Variants in UBE2K observed in about 807,000 individuals in gnomAD.
UBE2K encodes the protein ubiquitin-conjugating enzyme E2 K.
A neutral mutation model predicts 30.0 loss-of-function variants in UBE2K; 6 were observed. That is an observed-to-expected ratio of 0.20 (90% CI 0.11 to 0.39). UBE2K has a LOEUF of 0.39. UBE2K is among the 10% of genes least tolerant of loss of function. UBE2K has a pLI of 1.00. For synonymous variants in UBE2K, 86 were observed against 83.7 expected, an observed-to-expected ratio of 1.03 and a Z score of -0.15; for missense variants, 61 against 241.6, an observed-to-expected ratio of 0.25 and a Z score of 4.96.
chr4:39,728,627 C>CT (rs1391458120), intron 1 of UBE2K, among the ~76,000 whole-genome samples: 1 of 150,086 alleles, frequency 6.7e-6, no homozygotes, highest in Non-Finnish European at 1.5e-5. Flanking sequence ...CCTGCCTTTC[C>CT]TTTTTTCCTT....
intron 4 of UBE2K, among the ~76,000 whole-genome samples, chr4:39,767,509 G>C (rs1712424966): frequency 6.6e-6 from 1 of 151,926 alleles, no homozygotes; most frequent in South Asian, 2.1e-4. Flanking sequence ...TATTTTAGTA[G>C]AGACGGAGTT....
intron 4 of UBE2K, 60 bp downstream of exon 4, chr4:39,755,799 G>T: frequency 8.1e-7 from 1 of 1,238,466 alleles, no homozygotes; most frequent in Non-Finnish European, 1.1e-6. Flanking sequence ...CTGTAAGAGT[G>T]TTAAATGTGT....
chr4:39,751,271 T>C (rs1360722070), intron 3 of UBE2K, among the ~76,000 whole-genome samples: 2 of 152,166 alleles, frequency 1.3e-5, no homozygotes, highest in Non-Finnish European at 2.9e-5. Context: ...TTTCTAACTA[T>C]AGATTATAGT....
rs183850734 is a variant in UBE2K, at chr4:39,774,046, C to G, written c.300-788C>G. 2.8e-3 allele frequency among the ~76,000 whole-genome samples: 433 copies of G among 152,254 alleles called. 10 individuals are homozygous for G. The highest frequency in any genetic ancestry group is 0.02 in the Admixed American group (311 of 15,286). On this transcript the variant is annotated intron_variant, in intron 4 of 6. Coordinates refer to ENST00000261427, the MANE Select transcript of UBE2K (RefSeq NM_005339.5). ...AGTGTAGTAGCTCACACCTGTAACC[C>G]TAACCTTTGGGAGGCCAAGGTGGAT...
chr4:39,737,169 GAA>G (rs1720424210), intron 1 of UBE2K, among the ~76,000 whole-genome samples: 1 of 152,100 alleles, frequency 6.6e-6, no homozygotes, highest in South Asian at 2.1e-4. Context: ...AACATTCCTA[GAA>G]AGTCAAGAAG....
chr4:39,714,743 G>A (rs1174100371), intron 1 of UBE2K, among the ~76,000 whole-genome samples: 1 of 150,202 alleles, frequency 6.7e-6, no homozygotes, highest in Non-Finnish European at 1.5e-5. Flanking sequence ...GTAGAGACGG[G>A]TTTTACCATG....
chr4:39,716,538 T>C (rs1352741875), intron 1 of UBE2K, among the ~76,000 whole-genome samples: 2 of 152,182 alleles, frequency 1.3e-5, no homozygotes, highest in African/African-American at 4.8e-5. Flanking sequence ...CATGAGCCGC[T>C]GCGCCCAGCC....
At chr4:39,777,400 C>T (rs142359272) in intron 5 of UBE2K, among the ~76,000 whole-genome samples, 13 of 152,326 alleles carry the variant, frequency 8.5e-5, no homozygotes, top group Admixed American at 8.5e-4. Context: ...TAATACCTCA[C>T]TTAACCTAAT....
chr4:39,755,539 T>C, intron 3 of UBE2K, 118 bp from the exon 4 acceptor site: 2 of 704,466 alleles, frequency 2.8e-6, no homozygotes, highest in South Asian at 1.8e-5. Context: ...CTAGGCAAAA[T>C]GATGTAATAG....
chr4:39,704,893 A>G (rs1049515926), intron 1 of UBE2K, among the ~76,000 whole-genome samples: 2 of 119,496 alleles, frequency 1.7e-5, no homozygotes, highest in Non-Finnish European at 3.2e-5. Flanking sequence ...TTTTTTTTAG[A>G]CGGAGTCTCC....
chr4:39,766,476 GTTTT>G (rs958448358), intron 4 of UBE2K, among the ~76,000 whole-genome samples: 1 of 143,398 alleles, frequency 7.0e-6, no homozygotes, highest in African/African-American at 2.5e-5. Flanking sequence ...TTTTAACCAG[GTTTT>G]TTTTTTTTGT....
At chr4:39,777,240 G>T (rs907929886) in intron 5 of UBE2K, among the ~76,000 whole-genome samples, 1 of 152,194 alleles carries the variant, frequency 6.6e-6, no homozygotes, top group South Asian at 2.1e-4. Context: ...GAAAACAGAA[G>T]AATCTAGTTG....
At chr4:39,729,568 G>C (rs1719958086) in intron 1 of UBE2K, among the ~76,000 whole-genome samples, 1 of 151,894 alleles carries the variant, frequency 6.6e-6, no homozygotes, top group Non-Finnish European at 1.5e-5. Context: ...CATTGCACTG[G>C]ACTTTATTGG....
intron 4 of UBE2K, among the ~76,000 whole-genome samples, chr4:39,772,799 T>C (rs1359903391): frequency 6.6e-6 from 1 of 151,778 alleles, no homozygotes; most frequent in Admixed American, 6.6e-5. Context: ...GCGATTCTCC[T>C]TCCTCAGCCA....
Position 39,698,235 on chromosome 4 carries a change from G to C in UBE2K, c.-93G>C. 2 of 1,271,642 alleles carry C rather than the reference G, an allele frequency of 1.6e-6. No individual in the cohort carries two copies. The highest frequency in any genetic ancestry group is 2.3e-6 in the Non-Finnish European group (2 of 888,446). The allele number at this position is 1,271,642 out of a possible 1,614,324, so 78.8% of individuals were successfully genotyped here. On this transcript the variant is annotated 5_prime_UTR_variant, in exon 1 of 7. Coordinates refer to ENST00000261427, the MANE Select transcript of UBE2K (RefSeq NM_005339.5). Reference sequence around the variant, plus strand: ...TTCGTGTGCTCAGGTCTGAATCGCCGAGGGAGGAGGCGGTGGAGGAAGAGG... The same window carrying C: ...TTCGTGTGCTCAGGTCTGAATCGCCCAGGGAGGAGGCGGTGGAGGAAGAGG...
At chr4:39,703,959 T>A (rs2109303028) in intron 1 of UBE2K, among the ~76,000 whole-genome samples, 1 of 152,190 alleles carries the variant, frequency 6.6e-6, no homozygotes, top group South Asian at 2.1e-4. Flanking sequence ...TATACTGGCT[T>A]TGAATGTTTT....
chr4:39,771,463 C>T (rs1160574931), intron 4 of UBE2K: 5 of 1,540,938 alleles, frequency 3.2e-6, no homozygotes, highest in East Asian at 2.3e-5. Context: ...AACCCTGGCC[C>T]GGTTCCGCGC....
chr4:39,698,492 T>TG, intron 1 of UBE2K, 102 bp downstream of exon 1: 2 of 1,084,030 alleles, frequency 1.8e-6, no homozygotes, highest in Non-Finnish European at 2.8e-6. Flanking sequence ...TGGTCCTCCT[T>TG]GCGGCCGCCC....
chr4:39,732,589 G>A lies in UBE2K; in HGVS notation c.64-4831G>A, dbSNP rs367937411. Among the ~76,000 whole-genome samples the A allele has an allele frequency of 6.7e-5, 10 of 150,100 alleles. No individual in the cohort carries two copies. The East Asian group carries it at 1.6e-3, about 23-fold the overall frequency. ...TTATCTCATTCAAATTAGCTTCAACGTTATGTGCTATTTTGCATGCTTCAT... is the reference window on the plus strand; with the variant it reads ...TTATCTCATTCAAATTAGCTTCAACATTATGTGCTATTTTGCATGCTTCAT... On this transcript the variant is annotated intron_variant, in intron 1 of 6. Transcript: ENST00000261427.
Sources: gnomAD v4.1 joint callset for allele counts (sites outside exome capture counted in the v4.1 genomes callset) on GRCh38, gnomAD v4.1.1 for gene constraint, MANE v1.5 for transcripts, NCBI Gene and HGNC (gene_info 2026-07-23, HGNC 2026-07-21) for gene names.